EXOC4: variants seen among roughly 807,000 people sequenced by gnomAD.
EXOC4 encodes the protein exocyst complex component 4, also known as SEC8-like 1.
A neutral mutation model predicts 107.2 loss-of-function variants in EXOC4; 71 were observed. The ratio of observed to expected loss-of-function variants is 0.66; its 90% CI spans 0.55 to 0.81. The LOEUF (loss-of-function observed/expected upper bound fraction) is 0.81. Ranked by LOEUF, EXOC4 falls within the 30% of genes least tolerant of loss-of-function variation. The pLI is 0.00. For missense variants in EXOC4, 1,108 were observed against 1,189.6 expected (o/e 0.93, Z 1.01); for synonymous variants, 456 against 441.2 (o/e 1.03, Z -0.42).
At chr7:133,329,859 C>T (rs1450017932) in intron 5 of EXOC4, among the ~76,000 whole-genome samples, 7 of 152,146 alleles carry the variant, frequency 4.6e-5, no homozygotes, top group African/African-American at 9.7e-5. Context: ...AGGTGTCTGT[C>T]GGCCCCTACT....
chr7:133,752,008 A>AATAG (rs1795803865), intron 10 of EXOC4, among the ~76,000 whole-genome samples: 1 of 151,680 alleles, frequency 6.6e-6, no homozygotes, highest in Non-Finnish European at 1.5e-5. Context: ...TAAATAAATA[A>AATAG]ATAAATTATC....
chr7:133,305,493 A>C (rs1472182085), intron 3 of EXOC4, among the ~76,000 whole-genome samples: 1 of 152,208 alleles, frequency 6.6e-6, no homozygotes, highest in Non-Finnish European at 1.5e-5. Flanking sequence ...CTTTTTTTTA[A>C]AGCCTTAGTT....
intron 10 of EXOC4, among the ~76,000 whole-genome samples, chr7:133,673,498 A>G (rs1793991263): frequency 6.6e-6 from 1 of 152,036 alleles, no homozygotes; most frequent in African/African-American, 2.4e-5. Context: ...GCCCTGATTC[A>G]GAGTCTTTCT....
chr7:133,341,139 T>C (rs1253369995), intron 5 of EXOC4, among the ~76,000 whole-genome samples: 1 of 152,194 alleles, frequency 6.6e-6, no homozygotes, highest in Non-Finnish European at 1.5e-5. Context: ...CTATTTGTGC[T>C]CTTTCAGACT....
At chr7:133,901,148 G>A (rs1256541773) in intron 12 of EXOC4, among the ~76,000 whole-genome samples, 2 of 152,148 alleles carry the variant, frequency 1.3e-5, no homozygotes, top group Non-Finnish European at 2.9e-5. Flanking sequence ...GGGATTACAG[G>A]CATGAGCCAC....
intron 4 of EXOC4, among the ~76,000 whole-genome samples, chr7:133,308,483 A>C (rs1422071420): frequency 6.6e-6 from 1 of 152,210 alleles, no homozygotes; most frequent in African/African-American, 2.4e-5. Context: ...GTCTCAGAAG[A>C]AACCAACTAC....
At chr7:133,349,149 G>A (rs183301033) in intron 5 of EXOC4, among the ~76,000 whole-genome samples, 72 of 150,796 alleles carry the variant, frequency 4.8e-4, no homozygotes, top group Non-Finnish European at 8.7e-4. Flanking sequence ...TTTTATTGTG[G>A]TAACGTCACA....
intron 11 of EXOC4, among the ~76,000 whole-genome samples, chr7:133,826,455 A>G (rs1797704546): frequency 6.6e-6 from 1 of 152,172 alleles, no homozygotes; most frequent in Non-Finnish European, 1.5e-5. Flanking sequence ...AGTCCAAGCT[A>G]CTTGTCTTGT....
chr7:134,089,183 T>A, the EXOC4 span, among the ~76,000 whole-genome samples: 264 of 152,262 alleles, frequency 1.7e-3, no homozygotes, highest in Middle Eastern at 3.4e-3. Flanking sequence ...ACACACAGAA[T>A]CTCTTTCACA....
intron 10 of EXOC4, among the ~76,000 whole-genome samples, chr7:133,753,166 G>T (rs1795829521): frequency 6.6e-6 from 1 of 152,164 alleles, no homozygotes; most frequent in Non-Finnish European, 1.5e-5. Flanking sequence ...ATTATGTTCT[G>T]TGCCTTTTCA....
chr7:133,495,927 A>C (rs568548775), intron 9 of EXOC4, among the ~76,000 whole-genome samples: 1 of 152,200 alleles, frequency 6.6e-6, no homozygotes, highest in Non-Finnish European at 1.5e-5. Context: ...TGACAATATC[A>C]GTTGCTTTAC....
intron 5 of EXOC4, among the ~76,000 whole-genome samples, chr7:133,344,714 G>T (rs1473276025): frequency 6.6e-6 from 1 of 152,170 alleles, no homozygotes; most frequent in Non-Finnish European, 1.5e-5. Flanking sequence ...AGTCAGCTCT[G>T]TGATCTGTCT....
intron 10 of EXOC4, among the ~76,000 whole-genome samples, chr7:133,743,941 G>T (rs1795622159): frequency 6.6e-6 from 1 of 152,144 alleles, no homozygotes; most frequent in Non-Finnish European, 1.5e-5. Flanking sequence ...TTTGGAGAGA[G>T]AACTCTGAGG....
At chr7:133,657,482 G>A (rs1410423824) in intron 10 of EXOC4, among the ~76,000 whole-genome samples, 1 of 152,078 alleles carries the variant, frequency 6.6e-6, no homozygotes, top group Non-Finnish European at 1.5e-5. Flanking sequence ...GTAATTCTAA[G>A]CAGAAATGAT....
intron 17 of EXOC4, among the ~76,000 whole-genome samples, chr7:134,035,926 G>A (rs1795377416): frequency 6.6e-6 from 1 of 152,088 alleles, no homozygotes; most frequent in African/African-American, 2.4e-5. Context: ...ATGTCCTGTT[G>A]GCCAGAACTT....
intron 11 of EXOC4, among the ~76,000 whole-genome samples, chr7:133,858,212 A>G (rs1798459977): frequency 6.6e-6 from 1 of 152,162 alleles, no homozygotes. Context: ...AGTTTCCACA[A>G]ACAACTGGAG....
chr7:133,633,137 T>C (rs1802629516), intron 10 of EXOC4, among the ~76,000 whole-genome samples: 1 of 152,186 alleles, frequency 6.6e-6, no homozygotes, highest in Non-Finnish European at 1.5e-5. Flanking sequence ...CTGCATGGGT[T>C]GCAAAAATGA....
chr7:134,060,858 T>C (rs1796041095), intron 17 of EXOC4, among the ~76,000 whole-genome samples: 1 of 152,298 alleles, frequency 6.6e-6, no homozygotes, highest in African/African-American at 2.4e-5. Flanking sequence ...TGGAGGAATT[T>C]TTTCTCTCTA....
Position 133,288,991 on chromosome 7 carries a change from A to G in EXOC4, c.346A>G (p.Ile116Val). The G allele has an allele frequency of 1.2e-6, 2 of 1,614,184 alleles. No homozygotes were observed. Among genetic ancestry groups the G allele is most frequent in the African/African-American group, 2.7e-5 (2 of 75,052 alleles). ...CKRDELRKLW[I>V]EGIEHKHVLN... ...ACGGGATGAGCTTCGGAAACTGTGGATTGAAGGAATTGAGCATAAGCATGT... is the reference window on the plus strand; with the variant it reads ...ACGGGATGAGCTTCGGAAACTGTGGGTTGAAGGAATTGAGCATAAGCATGT... The change falls in exon 3 of 18, where the codon ATT becomes GTT. Residue 116 changes from isoleucine to valine, a missense_variant. By Grantham distance (29) the Ile-to-Val change is conservative. Transcript: ENST00000253861.
Sources: gnomAD v4.1 joint callset for allele counts (sites outside exome capture counted in the v4.1 genomes callset) on GRCh38, gnomAD v4.1.1 for gene constraint, MANE v1.5 for transcripts, NCBI Gene and HGNC (gene_info 2026-07-23, HGNC 2026-07-21) for gene names.